Variants in THEMIS observed in about 807,000 individuals in gnomAD.
The protein encoded by THEMIS is thymocyte selection associated.
Under a neutral mutation model 52.6 loss-of-function variants are expected in THEMIS, and 37 were observed. That is an observed-to-expected ratio of 0.70 (90% CI 0.54 to 0.93). The LOEUF (loss-of-function observed/expected upper bound fraction) is 0.93. THEMIS is among the 40% of genes least tolerant of loss of function. The pLI is 0.00. For missense variants in THEMIS, 808 were observed against 763.1 expected, an observed-to-expected ratio of 1.06 and a Z score of -0.69; for synonymous variants, 292 against 272.7, an observed-to-expected ratio of 1.07 and a Z score of -0.70.
At chr6:127,808,207 C>T (rs987974478) in intron 4 of THEMIS, among the ~76,000 whole-genome samples, 1 of 152,182 alleles carries the variant, frequency 6.6e-6, no homozygotes, top group African/African-American at 2.4e-5. Flanking sequence ...CATCTTTCAA[C>T]CAAAGGTTTG....
intron 2 of THEMIS, among the ~76,000 whole-genome samples, chr6:127,843,352 A>G (rs1031829577): frequency 6.6e-6 from 1 of 151,466 alleles, no homozygotes; most frequent in Non-Finnish European, 1.5e-5. Flanking sequence ...CATATCTGTT[A>G]TTTCCAATAC....
At position 127,788,110 on chromosome 6, in the gene THEMIS, C is replaced by A. The variant is rs557624488; in HGVS notation, c.1758+24773G>T. 1.6e-3 allele frequency among the ~76,000 whole-genome samples: 248 copies of A among 152,248 alleles called. 2 individuals are homozygous for A. Among genetic ancestry groups the A allele is most frequent in the Middle Eastern group, 0.014 (4 of 294 alleles). ...AGTTTGGCTGGCACATTGACCCATC[C>A]TTTCCTCAGGTGAGGGAGAGTCTTT... On this transcript the variant is annotated intron_variant, in intron 4 of 5. Transcript: ENST00000368248.
chr6:127,887,783 T>C (rs1335981583), intron 1 of THEMIS, among the ~76,000 whole-genome samples: 1 of 152,166 alleles, frequency 6.6e-6, no homozygotes. Context: ...ATTATACAAC[T>C]CTATCAATTT....
chr6:127,896,120 G>C (rs762361201), intron 1 of THEMIS, among the ~76,000 whole-genome samples: 1 of 151,154 alleles, frequency 6.6e-6, no homozygotes, highest in Non-Finnish European at 1.5e-5. Flanking sequence ...ATATATTCAA[G>C]TTTTTAAAAC....
intron 4 of THEMIS, among the ~76,000 whole-genome samples, chr6:127,800,495 A>G (rs1029435242): frequency 6.6e-6 from 1 of 152,164 alleles, no homozygotes; most frequent in Non-Finnish European, 1.5e-5. Flanking sequence ...TTCAAACCAA[A>G]CTAAACTGTA....
chr6:127,866,821 C>T (rs1779994112), intron 1 of THEMIS, among the ~76,000 whole-genome samples: 1 of 151,668 alleles, frequency 6.6e-6, no homozygotes, highest in South Asian at 2.1e-4. Flanking sequence ...TCTTGAGAAA[C>T]TTACATTCTA....
chr6:127,762,785 C>A (rs1014034673), intron 4 of THEMIS, among the ~76,000 whole-genome samples: 2 of 151,956 alleles, frequency 1.3e-5, no homozygotes, highest in Non-Finnish European at 2.9e-5. Flanking sequence ...TGGCATTGAC[C>A]TTGCTTTAAT....
intron 4 of THEMIS, among the ~76,000 whole-genome samples, chr6:127,795,323 G>GTATTAT (rs1047784582): frequency 6.6e-6 from 1 of 151,898 alleles, no homozygotes; most frequent in Non-Finnish European, 1.5e-5. Flanking sequence ...CACCAGATTT[G>GTATTAT]TATTATTATT....
intron 4 of THEMIS, among the ~76,000 whole-genome samples, chr6:127,759,561 A>G (rs934604553): frequency 2.0e-5 from 3 of 152,162 alleles, no homozygotes; most frequent in Non-Finnish European, 2.9e-5. Flanking sequence ...CCAGCTGCAC[A>G]TGTTAATAAC....
chr6:127,737,623 G>A (rs1204678513), intron 4 of THEMIS, among the ~76,000 whole-genome samples: 2 of 152,012 alleles, frequency 1.3e-5, no homozygotes, highest in East Asian at 3.9e-4. Context: ...CTGAGATCTT[G>A]CCTAACATGT....
chr6:127,804,755 C>T (rs1296520230), intron 4 of THEMIS, among the ~76,000 whole-genome samples: 4 of 152,066 alleles, frequency 2.6e-5, no homozygotes, highest in Admixed American at 6.5e-5. Context: ...TGAGAAAACA[C>T]GTCTTACATG....
intron 1 of THEMIS, among the ~76,000 whole-genome samples, chr6:127,895,634 T>A (rs55926927): frequency 6.6e-6 from 1 of 151,490 alleles, no homozygotes; most frequent in Admixed American, 6.6e-5. Flanking sequence ...TGATAAATTA[T>A]GTAGAAGATA....
At chr6:127,812,425 C>A (rs1777938189) in intron 4 of THEMIS, among the ~76,000 whole-genome samples, 1 of 152,130 alleles carries the variant, frequency 6.6e-6, no homozygotes, top group Non-Finnish European at 1.5e-5. Flanking sequence ...GCACATAAAA[C>A]AAAATGAAGA....
chr6:127,772,237 G>A lies in THEMIS; in HGVS notation c.1758+40646C>T, dbSNP rs558290652. 3.7e-4 allele frequency among the ~76,000 whole-genome samples: 56 copies of A among 151,818 alleles called. 1 individual carries two copies. The South Asian group carries it at 0.01, about 28-fold the overall frequency. On this transcript the variant is annotated intron_variant, in intron 4 of 5. Transcript: ENST00000368248. ...AAGACAGATAATGTTAAGTGGAATT[G>A]CTAGGTCAAAAAGTACACATACAAG...
chr6:127,749,537 T>C (rs1195649077), intron 4 of THEMIS, among the ~76,000 whole-genome samples: 5 of 152,032 alleles, frequency 3.3e-5, no homozygotes, highest in Admixed American at 3.3e-4. Context: ...GTGTGTGCTG[T>C]ATGCCTTCAT....
intron 4 of THEMIS, among the ~76,000 whole-genome samples, chr6:127,783,023 A>T (rs951464499): frequency 6.6e-6 from 1 of 152,218 alleles, no homozygotes; most frequent in Non-Finnish European, 1.5e-5. Context: ...ACAGCATGGT[A>T]CTAGGACCAA....
intron 3 of THEMIS, among the ~76,000 whole-genome samples, chr6:127,824,845 A>T (rs1778453285): frequency 6.6e-6 from 1 of 152,138 alleles, no homozygotes; most frequent in African/African-American, 2.4e-5. Context: ...GAATGGCGTG[A>T]ACCCAGGAGG....
intron 3 of THEMIS, among the ~76,000 whole-genome samples, chr6:127,821,883 A>C (rs1778353143): frequency 6.6e-6 from 1 of 152,024 alleles, no homozygotes; most frequent in South Asian, 2.1e-4. Flanking sequence ...AAATTAGTAC[A>C]GGGATGGAAA....
At chr6:127,737,238 A>C (rs573713129) in intron 4 of THEMIS, among the ~76,000 whole-genome samples, 1 of 152,320 alleles carries the variant, frequency 6.6e-6, no homozygotes, top group Admixed American at 6.5e-5. Context: ...CCAGGATTTC[A>C]TGGCTTTAGG....
Sources: allele counts gnomAD v4.1 joint callset (sites outside exome capture counted in the v4.1 genomes callset), GRCh38; gene constraint gnomAD v4.1.1; transcripts MANE v1.5; gene names NCBI Gene and HGNC (gene_info 2026-07-23, HGNC 2026-07-21).